Variants in CEP162 observed in about 807,000 individuals in gnomAD.
The protein encoded by CEP162 is centrosomal protein 162.
CEP162 carries 141 observed loss-of-function variants against 169.2 expected under a neutral mutation model. The ratio of observed to expected loss-of-function variants is 0.83; its 90% confidence interval spans 0.73 to 0.96. CEP162 has a LOEUF of 0.96. Ranked by LOEUF, CEP162 falls within the 40% of genes least tolerant of loss-of-function variation. The pLI, the probability that CEP162 is intolerant of heterozygous loss-of-function variation, is 0.00. For synonymous variants in CEP162, 540 were observed against 526.4 expected, an observed-to-expected ratio of 1.03 and a Z score of -0.35; for missense variants, 1,600 against 1,587.2, an observed-to-expected ratio of 1.01 and a Z score of -0.14.
chr6:84,221,550 A>C (rs2099553728), intron 2 of CEP162, among the ~76,000 whole-genome samples: 1 of 152,192 alleles, frequency 6.6e-6, no homozygotes, highest in Non-Finnish European at 1.5e-5. Flanking sequence ...TAGAAACAGA[A>C]TTTCAATATA....
In CEP162 at chr6:84,185,287, T is replaced by C; in HGVS notation, c.1563A>G (p.Pro521=). Residue 521 remains proline, a synonymous_variant, in exon 13 of 27, where the codon CCA becomes CCG. Coordinates refer to ENST00000403245, the MANE Select transcript of CEP162 (RefSeq NM_014895.4). ...RSSGYGKPSS[P]LKMFSTLEKK... is the part of the protein sequence containing the mutation. Reference sequence around the variant, plus strand: ...TTTCAAGAGTAGAAAACATCTTGAGTGGTGAACTGGGTTTGCCATAGCCTG... The same window carrying C: ...TTTCAAGAGTAGAAAACATCTTGAGCGGTGAACTGGGTTTGCCATAGCCTG... 1 of 1,613,700 alleles carries C rather than the reference T, an allele frequency of 6.2e-7. No individual in the cohort carries two copies. The highest frequency in any genetic ancestry group is 8.5e-7 in the Non-Finnish European group (1 of 1,179,660).
chr6:84,206,695 G>A (rs1273135899), intron 6 of CEP162, among the ~76,000 whole-genome samples: 1 of 152,138 alleles, frequency 6.6e-6, no homozygotes, highest in Non-Finnish European at 1.5e-5. Context: ...AAAAGCAATG[G>A]CAACAAAAGC....
At position 84,200,827 on chromosome 6, in the gene CEP162, C is replaced by T; in HGVS notation, c.797G>A (p.Cys266Tyr). Residue 266 changes from cysteine (C) to tyrosine (Y), a missense_variant, in exon 9 of 27, where the codon TGC becomes TAC. Physicochemically the swap from Cys to Tyr is radical, Grantham distance 194. Transcript: ENST00000403245. ...EQDKITPKPR[C>Y]LPEMTENEMT... ...TTCATTCTCAGTCATTTCTGGTAGG[C>T]ACCTTGGCTTAGGTGTTATTTTATC... is the stretch of plus-strand genomic sequence containing the variant. The T allele has an allele frequency of 1.2e-6, 2 of 1,610,590 alleles. No homozygotes were observed. Among genetic ancestry groups the T allele is most frequent in the Non-Finnish European group, 1.7e-6 (2 of 1,177,086 alleles).
intron 25 of CEP162, among the ~76,000 whole-genome samples, chr6:84,133,800 C>T (rs577445757): frequency 6.6e-6 from 1 of 152,254 alleles, no homozygotes; most frequent in East Asian, 1.9e-4. Context: ...ATTCCCAGAC[C>T]CCTTGCGCTT....
chr6:84,221,101 T>A lies in CEP162; in HGVS notation c.128A>T (p.Asp43Val). ...RQSKKEMKKK[D>V]TVPWWITEDD... ...TTCAGTTATCCACCAAGGCACTGTA[T>A]CTTTCTTCTTCATCTCTTTTTTAGA... is the stretch of plus-strand genomic sequence containing the variant. Residue 43 changes from aspartate to valine, a missense_variant, in exon 3 of 27, where the codon GAT becomes GTT. Transcript: ENST00000403245. The A allele has an allele frequency of 6.2e-7, 1 of 1,603,140 alleles. No homozygotes were observed. The highest frequency in any genetic ancestry group is 8.5e-7 in the Non-Finnish European group (1 of 1,170,622).
intron 25 of CEP162, among the ~76,000 whole-genome samples, chr6:84,140,927 A>T (rs1205239815): frequency 6.6e-6 from 1 of 152,130 alleles, no homozygotes; most frequent in Non-Finnish European, 1.5e-5. Context: ...TCTTCCACGG[A>T]AAGAGGGAGG....
intron 3 of CEP162, among the ~76,000 whole-genome samples, chr6:84,219,733 G>T (rs985604181): frequency 1.3e-5 from 2 of 152,168 alleles, no homozygotes; most frequent in African/African-American, 2.4e-5. Flanking sequence ...ACTTTAACAT[G>T]CATTTATTAA....
At chr6:84,166,748 C>A (rs2099527994) in intron 18 of CEP162, among the ~76,000 whole-genome samples, 1 of 152,118 alleles carries the variant, frequency 6.6e-6, no homozygotes, top group South Asian at 2.1e-4. Flanking sequence ...AACCAACTAA[C>A]ATTTTAAGAA....
intron 20 of CEP162, 145 bp downstream of exon 20, chr6:84,161,601 A>G (rs1269426486): frequency 3.0e-6 from 2 of 665,052 alleles, no homozygotes; most frequent in Non-Finnish European, 2.5e-6. Context: ...AAAATAGACT[A>G]TATATCTAAA....
At chr6:84,157,671 A>G (rs1234701724) in intron 21 of CEP162, among the ~76,000 whole-genome samples, 2 of 152,160 alleles carry the variant, frequency 1.3e-5, no homozygotes, top group African/African-American at 4.8e-5. Flanking sequence ...CGTCTCAAAA[A>G]AAAAAGAAAT....
intron 25 of CEP162, among the ~76,000 whole-genome samples, chr6:84,129,223 G>T (rs2129183572): frequency 6.6e-6 from 1 of 152,156 alleles, no homozygotes; most frequent in African/African-American, 2.4e-5. Flanking sequence ...GGGATGGCTG[G>T]GTCAAATGGT....
chr6:84,212,858 C>T (rs898221832), intron 6 of CEP162, 99 bp downstream of exon 6: 13 of 763,420 alleles, frequency 1.7e-5, no homozygotes, highest in Non-Finnish European at 2.8e-5. Flanking sequence ...AGCTCTGAGA[C>T]AATATGATTT....
intron 18 of CEP162, among the ~76,000 whole-genome samples, chr6:84,165,522 T>C (rs2099527474): frequency 6.6e-6 from 1 of 152,102 alleles, no homozygotes; most frequent in Non-Finnish European, 1.5e-5. Flanking sequence ...ATGGCATTTA[T>C]TATTGTTTCC....
At chr6:84,182,338 G>A (rs9449826) in intron 13 of CEP162, among the ~76,000 whole-genome samples, 36,255 of 151,828 alleles carry the variant, frequency 0.24, 9,823 homozygotes, top group African/African-American at 0.67. Flanking sequence ...CTTAATAAGA[G>A]AAGACAATAA....
chr6:84,222,026 G>A lies in CEP162; in HGVS notation c.58-855C>T, dbSNP rs377422714. Among the ~76,000 whole-genome samples the A allele has an allele frequency of 2.7e-5, 4 of 150,398 alleles. 1 individual carries two copies. The East Asian group carries it at 7.8e-4, about 29-fold the overall frequency. ...ATAGTACCAGGCACAATTGCGGAAT[G>A]AAAAAATGAGCATTCTACTCAACTT... On this transcript the variant is annotated intron_variant, in intron 2 of 26. Coordinates refer to ENST00000403245, the MANE Select transcript of CEP162 (RefSeq NM_014895.4).
At position 84,155,517 on chromosome 6, in the gene CEP162, A is replaced by C. The variant is rs919397789; in HGVS notation, c.2782-7T>G. 4 of 1,570,270 alleles carry C rather than the reference A, an allele frequency of 2.5e-6. No individual in the cohort carries two copies. The African/African-American group carries it at 5.4e-5, about 21-fold the overall frequency. On this transcript the variant is annotated splice_polypyrimidine_tract_variant and splice_region_variant and intron_variant, in intron 21 of 26. Coordinates refer to ENST00000403245, the MANE Select transcript of CEP162 (RefSeq NM_014895.4). ...TCCCTTCCATTTCCTTAACCTATTA[A>C]AACATATTTTCCACCAAAGAACACT...
chr6:84,204,046 T>C lies in CEP162; in HGVS notation c.622A>G (p.Thr208Ala), dbSNP rs767895176. 4.3e-6 allele frequency: 7 copies of C among 1,610,858 alleles called. No homozygotes were observed. Among genetic ancestry groups the C allele is most frequent in the Non-Finnish European group, 4.2e-6 (5 of 1,178,590 alleles). ...EDEYVGAPLTTKDEEMPSKEN... is the reference protein window; with the variant it reads ...EDEYVGAPLTAKDEEMPSKEN... ...TTGGAAGGCATCTCTTCATCTTTAG[T>C]AGTCAACGGTGCACCAACATACTCA... is the stretch of plus-strand genomic sequence containing the variant. Residue 208 changes from threonine to alanine, a missense_variant, in exon 7 of 27, where the codon ACT becomes GCT. Coordinates refer to ENST00000403245, the MANE Select transcript of CEP162 (RefSeq NM_014895.4).
intron 23 of CEP162, among the ~76,000 whole-genome samples, chr6:84,150,759 T>C (rs1176422364): frequency 6.6e-6 from 1 of 152,182 alleles, no homozygotes; most frequent in African/African-American, 2.4e-5. Context: ...ACTGTCATAA[T>C]ATTCAGGACT....
At chr6:84,216,836 A>G (rs572652550) in intron 3 of CEP162, among the ~76,000 whole-genome samples, 1 of 152,318 alleles carries the variant, frequency 6.6e-6, no homozygotes, top group East Asian at 1.9e-4. Context: ...CCATGAGTTA[A>G]TAACAACTGT....
Sources: allele counts gnomAD v4.1 joint callset (sites outside exome capture counted in the v4.1 genomes callset), GRCh38; gene constraint gnomAD v4.1.1; transcripts MANE v1.5; gene names NCBI Gene and HGNC (gene_info 2026-07-23, HGNC 2026-07-21).